DRICH1: variants seen among roughly 807,000 people sequenced by gnomAD.
DRICH1 encodes aspartate rich 1.
A neutral mutation model predicts 39.5 loss-of-function variants in DRICH1; 38 were observed. The observed-to-expected ratio is 0.96, with a 90% confidence interval of 0.74 to 1.26. The LOEUF (loss-of-function observed/expected upper bound fraction) is 1.26, where lower values mean the gene tolerates loss of function less well. DRICH1 is among the 50% of genes most tolerant of loss of function. The pLI, the probability that DRICH1 is intolerant of heterozygous loss-of-function variation, is 0.00. For missense variants in DRICH1, 279 were observed against 270.4 expected (o/e 1.03, Z -0.22); for synonymous variants, 84 against 99.5 (o/e 0.84, Z 0.93).
At position 23,610,840 on chromosome 22, in the gene DRICH1, A is replaced by T. The variant is rs1215439676; in HGVS notation, c.686-2072T>A. ...CTCTTTTTTTTTTTTACATAGTAAG[A>T]CCCAGTGTGGTTGACTGTATCTAAT... On this transcript the variant is annotated intron_variant, in intron 11 of 11. Transcript: ENST00000317749. 2.0e-5 allele frequency among the ~76,000 whole-genome samples: 3 copies of T among 151,296 alleles called. No individual in the cohort carries two copies. The South Asian group carries it at 6.3e-4, about 32-fold the overall frequency.
chr22:23,628,805 CTCTGCCCCCCCACCAATT>C (rs967445285), intron 1 of DRICH1, among the ~76,000 whole-genome samples: 3 of 152,142 alleles, frequency 2.0e-5, no homozygotes, highest in African/African-American at 7.2e-5. Flanking sequence ...CTGATTCCTG[CTCTGCCCCCCCACCAATT>C]TCTGCCAGTG....
intron 3 of DRICH1, among the ~76,000 whole-genome samples, chr22:23,622,526 G>A (rs1159524315): frequency 6.6e-6 from 1 of 152,152 alleles, no homozygotes; most frequent in African/African-American, 2.4e-5. Flanking sequence ...ATTCAAGATC[G>A]TGTCAGTACA....
chr22:23,621,953 GAAAC>G (rs1259588176), intron 4 of DRICH1, 134 bp downstream of exon 4: 2 of 813,326 alleles, frequency 2.5e-6, no homozygotes, highest in African/African-American at 3.5e-5. Flanking sequence ...AAAGAAAAAA[GAAAC>G]AAAGAAAGGA....
chr22:23,580,953 C>T, the DRICH1 span: 1 of 152,366 alleles, frequency 6.6e-6, no homozygotes, highest in African/African-American at 2.4e-5. Context: ...CACACACACA[C>T]ACACCAACCA....
chr22:23,624,961 T>A (rs904623246), intron 2 of DRICH1, 57 bp from the exon 3 acceptor site: 1 of 1,565,384 alleles, frequency 6.4e-7, no homozygotes, highest in Non-Finnish European at 8.8e-7. Flanking sequence ...CTGCACCCCC[T>A]ACACAGATCA....
chr22:23,594,056 A>C, the DRICH1 span, among the ~76,000 whole-genome samples: 1 of 152,178 alleles, frequency 6.6e-6, no homozygotes, highest in Non-Finnish European at 1.5e-5. Flanking sequence ...GGACCAAGAT[A>C]CACATTATGC....
the DRICH1 span, among the ~76,000 whole-genome samples, chr22:23,592,421 T>G: frequency 1.3e-5 from 2 of 151,266 alleles, no homozygotes; most frequent in Admixed American, 6.6e-5. Context: ...AATTAGAAGG[T>G]AGAGGAGGAG....
the DRICH1 span, among the ~76,000 whole-genome samples, chr22:23,587,753 G>A: frequency 1.5e-4 from 23 of 152,290 alleles, no homozygotes; most frequent in African/African-American, 4.6e-4. Context: ...TCTCCCCACC[G>A]TGCATGCAGT....
At chr22:23,618,860 T>C (rs1311239330) in intron 6 of DRICH1, among the ~76,000 whole-genome samples, 3 of 152,138 alleles carry the variant, frequency 2.0e-5, no homozygotes, top group Admixed American at 6.6e-5. Context: ...CATTCAGACA[T>C]ACAAAATATT....
chr22:23,625,034 C>T (rs1286641652), intron 2 of DRICH1, 130 bp from the exon 3 acceptor site: 3 of 1,048,394 alleles, frequency 2.9e-6, no homozygotes, highest in Non-Finnish European at 4.3e-6. Context: ...ATGTCAAAGA[C>T]AAAACACTTT....
chr22:23,627,673 G>A (rs1351067953), intron 1 of DRICH1, among the ~76,000 whole-genome samples: 1 of 152,092 alleles, frequency 6.6e-6, no homozygotes, highest in Non-Finnish European at 1.5e-5. Context: ...GGAAGAGCGT[G>A]GCCCTGCACA....
the DRICH1 span, among the ~76,000 whole-genome samples, chr22:23,591,728 A>G: frequency 6.6e-5 from 10 of 152,212 alleles, no homozygotes; most frequent in Non-Finnish European, 1.3e-4. Flanking sequence ...GTGCTTGCGA[A>G]ATCATTGTTT....
the DRICH1 span, among the ~76,000 whole-genome samples, chr22:23,587,525 C>T: frequency 6.6e-6 from 1 of 152,202 alleles, no homozygotes; most frequent in Non-Finnish European, 1.5e-5. Context: ...CGGGGCCTGA[C>T]TGCCTTCCCT....
intron 11 of DRICH1, among the ~76,000 whole-genome samples, chr22:23,609,556 C>CT (rs1416590386): frequency 6.6e-6 from 1 of 152,134 alleles, no homozygotes; most frequent in Admixed American, 6.5e-5. Context: ...ACCCCCTGAC[C>CT]AGGGGTACAC....
chr22:23,598,167 C>A, the DRICH1 span, among the ~76,000 whole-genome samples: 1 of 147,918 alleles, frequency 6.8e-6, no homozygotes, highest in East Asian at 2.0e-4. Context: ...CCCTGGCCAA[C>A]CCCTTCACCC....
chr22:23,592,444 T>C, the DRICH1 span, among the ~76,000 whole-genome samples: 1 of 151,814 alleles, frequency 6.6e-6, no homozygotes, highest in African/African-American at 2.4e-5. Context: ...GGTTTTTGAA[T>C]CCAGGCTTAA....
the DRICH1 span, among the ~76,000 whole-genome samples, chr22:23,603,243 A>G: frequency 3.3e-5 from 5 of 151,626 alleles, no homozygotes; most frequent in Admixed American, 2.0e-4. Context: ...CATGTTTCTG[A>G]AATCCAGTCT....
chr22:23,585,780 A>G, the DRICH1 span, among the ~76,000 whole-genome samples: 1 of 152,130 alleles, frequency 6.6e-6, no homozygotes, highest in African/African-American at 2.4e-5. Context: ...TTGGCCTCCT[A>G]AAGTTCTGGG....
At chr22:23,612,975 ATAC>A (rs1927129447) in intron 11 of DRICH1, among the ~76,000 whole-genome samples, 1 of 152,176 alleles carries the variant, frequency 6.6e-6, no homozygotes, top group Admixed American at 6.5e-5. Flanking sequence ...GCTTAGGCCT[ATAC>A]CCCTTGTGCC....
Sources: gnomAD v4.1 joint callset for allele counts (sites outside exome capture counted in the v4.1 genomes callset) on GRCh38, gnomAD v4.1.1 for gene constraint, MANE v1.5 for transcripts, NCBI Gene and HGNC (gene_info 2026-07-23, HGNC 2026-07-21) for gene names.